The following RGS12 variants were observed in gnomAD, a reference collection of about 807,000 sequenced individuals.
RGS12 encodes the protein regulator of G protein signaling 12, also known as regulator of G-protein signaling 12.
RGS12 carries 66 observed loss-of-function variants against 120.1 expected under a neutral mutation model. The observed-to-expected ratio is 0.55, with a 90% CI of 0.45 to 0.67. The LOEUF (loss-of-function observed/expected upper bound fraction) is 0.67, where lower values mean the gene tolerates loss of function less well. RGS12 is among the 30% of genes least tolerant of loss of function. RGS12 has a pLI of 0.00. For missense variants in RGS12, 1,859 were observed against 1,957.7 expected, an observed-to-expected ratio of 0.95 and a Z score of 0.95; for synonymous variants, 827 against 804.7, an observed-to-expected ratio of 1.03 and a Z score of -0.47.
At chr4:3,437,380 G>A (rs919638171) in intron 17 of RGS12, among the ~76,000 whole-genome samples, 44 of 152,184 alleles carry the variant, frequency 2.9e-4, no homozygotes, top group East Asian at 5.8e-4. Flanking sequence ...GGGTAGAGCC[G>A]GGCTTCTGGA....
At chr4:3,371,034 A>C (rs1406282919) in intron 3 of RGS12, among the ~76,000 whole-genome samples, 1 of 152,254 alleles carries the variant, frequency 6.6e-6, no homozygotes, top group Non-Finnish European at 1.5e-5. Flanking sequence ...ATCTAATTAA[A>C]GTCTTCTGTA....
At chr4:3,344,915 G>C (rs918026293) in intron 3 of RGS12, among the ~76,000 whole-genome samples, 1 of 152,244 alleles carries the variant, frequency 6.6e-6, no homozygotes, top group Admixed American at 6.5e-5. Context: ...CTTGGAGAGG[G>C]ATCTGAGCAG....
At position 3,317,973 on chromosome 4, in the gene RGS12, G is replaced by A; in HGVS notation, c.1803G>A (p.Glu601=). The A allele has an allele frequency of 6.2e-7, 1 of 1,612,864 alleles. No individual in the cohort carries two copies. The highest frequency in any genetic ancestry group is 8.5e-7 in the Non-Finnish European group (1 of 1,179,444). The part of the protein sequence containing the change: ...AQPPLNAPKR[E]WSRKAFGMQS... Reference sequence around the variant, plus strand: ...CCCCGCTGAATGCCCCGAAGAGGGAGTGGTCCAGGAAGGCCTTTGGAATGC... The same window carrying A: ...CCCCGCTGAATGCCCCGAAGAGGGAATGGTCCAGGAAGGCCTTTGGAATGC... Residue 601 remains glutamate (E), a synonymous_variant, in exon 2 of 18, where the codon GAG becomes GAA. Coordinates refer to ENST00000336727, the MANE Select transcript of RGS12 (RefSeq NM_001394154.1).
chr4:3,427,610 C>A (rs1474585281), intron 14 of RGS12, among the ~76,000 whole-genome samples: 1 of 152,188 alleles, frequency 6.6e-6, no homozygotes, highest in Admixed American at 6.5e-5. Flanking sequence ...GTGGCACATG[C>A]CTGTAATCCC....
Position 3,365,183 on chromosome 4 carries a change from T to G in RGS12, c.1999-21233T>G, listed in dbSNP as rs1056806851. On this transcript the variant is annotated intron_variant, in intron 3 of 17. Transcript: ENST00000336727. The surrounding 1 kb of genome is among the most constrained non-coding windows in gnomAD (Gnocchi z 4.0). ...GAGAGGGGATGTTCAGGGCCAGGGA[T>G]GGCAGACCGCAGTCCCCGGCCAGAT... 5.3e-5 allele frequency among the ~76,000 whole-genome samples: 8 copies of G among 152,134 alleles called. No individual in the cohort carries two copies. The highest frequency in any genetic ancestry group is 1.2e-4 in the Non-Finnish European group (8 of 68,014).
chr4:3,436,316 C>G (rs868469877), intron 17 of RGS12, among the ~76,000 whole-genome samples: 11 of 152,192 alleles, frequency 7.2e-5, no homozygotes, highest in African/African-American at 2.4e-4. Context: ...TCGCTCCCCC[C>G]TTCCTGCCGT....
rs371366973 is a variant in RGS12, at chr4:3,342,437, G to C, written c.1882-500G>C. 1.6e-5 allele frequency: 20 copies of C among 1,276,866 alleles called. No homozygotes were observed. In the African/African-American group the frequency reaches 2.8e-4, roughly 18 times the overall value. 79.1% of individuals were successfully genotyped at this position (1,276,866 alleles called of 1,614,324 possible). On this transcript the variant is annotated intron_variant, in intron 2 of 17. Coordinates refer to ENST00000336727, the MANE Select transcript of RGS12 (RefSeq NM_001394154.1). ...GCCAGTTATTTCCTGCGCCGGAGTT[G>C]GTTGGGTCTTCAGACACCAGCTGAA...
chr4:3,390,568 G>A lies in RGS12; in HGVS notation c.2020+4131G>A, dbSNP rs1212679733. On this transcript the variant is annotated intron_variant, in intron 4 of 17. Coordinates refer to ENST00000336727, the MANE Select transcript of RGS12 (RefSeq NM_001394154.1). The surrounding 1 kb of genome is among the most constrained non-coding windows in gnomAD (Gnocchi z 4.6). Reference sequence around the variant, plus strand: ...GTTGCGGGGTGGACCCACTGCCGCCGCCTCCTCCTGGGCTGCTCTGCGCGC... The same window carrying A: ...GTTGCGGGGTGGACCCACTGCCGCCACCTCCTCCTGGGCTGCTCTGCGCGC... Among the ~76,000 whole-genome samples the A allele has an allele frequency of 1.3e-5, 2 of 152,248 alleles. No homozygotes were observed. The highest frequency in any genetic ancestry group is 4.8e-5 in the African/African-American group (2 of 41,466).
chr4:3,391,720 G>A (rs1452037745), intron 4 of RGS12, among the ~76,000 whole-genome samples: 1 of 143,150 alleles, frequency 7.0e-6, no homozygotes, highest in Non-Finnish European at 1.5e-5. Context: ...GGGCTGCCTG[G>A]CGTGTTTGGG....
intron 1 of RGS12, chr4:3,312,656 C>A (rs1228978709): frequency 3.9e-5 from 9 of 230,636 alleles, no homozygotes; most frequent in Non-Finnish European, 3.9e-5. Flanking sequence ...TCTTACCTGG[C>A]CAGGAGAGAG....
intron 2 of RGS12, among the ~76,000 whole-genome samples, chr4:3,318,512 G>T (rs1408773080): frequency 2.0e-5 from 3 of 152,218 alleles, no homozygotes; most frequent in Non-Finnish European, 2.9e-5. Context: ...TCCTCGTGCT[G>T]TTTCCTCCAT....
chr4:3,407,108 T>C (rs917585362), intron 4 of RGS12, among the ~76,000 whole-genome samples: 1 of 152,228 alleles, frequency 6.6e-6, no homozygotes, highest in African/African-American at 2.4e-5. Flanking sequence ...TGCCACTGCT[T>C]GTTTAATAAA....
chr4:3,306,993 G>T (rs536013145), intron 1 of RGS12, among the ~76,000 whole-genome samples: 1 of 152,170 alleles, frequency 6.6e-6, no homozygotes, highest in Non-Finnish European at 1.5e-5. Flanking sequence ...GTGGGTTTTC[G>T]TCAGTTTCCG....
chr4:3,346,147 C>A (rs186473114), intron 3 of RGS12, among the ~76,000 whole-genome samples: 4 of 152,260 alleles, frequency 2.6e-5, no homozygotes, highest in African/African-American at 4.8e-5. Context: ...CTTCTTTACG[C>A]AATGGATAAT....
intron 17 of RGS12, among the ~76,000 whole-genome samples, chr4:3,435,557 T>C (rs1724725737): frequency 2.5e-5 from 3 of 118,298 alleles, no homozygotes; most frequent in East Asian, 2.7e-4. Flanking sequence ...GCCCCCTCTC[T>C]CCAGAGCCCC....
chr4:3,415,896 C>T (rs1302478124), intron 6 of RGS12, 82 bp from the exon 7 acceptor site: 15 of 1,471,218 alleles, frequency 1.0e-5, no homozygotes, highest in African/African-American at 1.4e-5. Flanking sequence ...TCTGTAGAGC[C>T]CGGGGGTGTC....
intron 3 of RGS12, among the ~76,000 whole-genome samples, chr4:3,370,504 G>T (rs1716858044): frequency 6.6e-6 from 1 of 152,242 alleles, no homozygotes; most frequent in Admixed American, 6.5e-5. Context: ...CTCAGCCCAG[G>T]CTCTGGGACC....
intron 6 of RGS12, among the ~76,000 whole-genome samples, chr4:3,415,584 G>T (rs979918282): frequency 6.6e-6 from 1 of 152,208 alleles, no homozygotes; most frequent in African/African-American, 2.4e-5. Context: ...CGGCCTGGCT[G>T]CTGTTTCCTC....
intron 16 of RGS12, among the ~76,000 whole-genome samples, chr4:3,429,372 T>C (rs1724000867): frequency 1.3e-5 from 2 of 152,238 alleles, no homozygotes; most frequent in South Asian, 4.1e-4. Flanking sequence ...CAGGGCGTAC[T>C]TGCCAGTCCA....
Sources: gnomAD v4.1 joint callset for allele counts (sites outside exome capture counted in the v4.1 genomes callset) on GRCh38, gnomAD v4.1.1 for gene constraint, Gnocchi (gnomAD v3.1) non-coding constraint, MANE v1.5 for transcripts, NCBI Gene and HGNC (gene_info 2026-07-23, HGNC 2026-07-21) for gene names.